BORCS5: variants seen among roughly 807,000 people sequenced by gnomAD.
BORCS5 encodes BLOC-1 related complex subunit 5.
In BORCS5, 17 loss-of-function variants were observed where a neutral mutation model predicts 22.1. The ratio of observed to expected loss-of-function variants is 0.77; its 90% confidence interval spans 0.53 to 1.15. The LOEUF is 1.15. BORCS5 is among the 50% of genes most tolerant of loss of function. BORCS5 has a pLI of 0.00. For synonymous variants in BORCS5, 117 were observed against 99.8 expected (o/e 1.17, Z -1.03); for missense variants, 247 against 253.2 (o/e 0.98, Z 0.17).
rs1943214386 is a variant in BORCS5, at chr12:12,467,018, T to C, written c.*1242T>C. On this transcript the variant is annotated 3_prime_UTR_variant, in exon 4 of 4. Coordinates refer to ENST00000314565, the MANE Select transcript of BORCS5 (RefSeq NM_058169.6). Reference sequence around the variant, plus strand: ...ATCATAGCACACTGACTCCTCAAACTCCCGGGCTCCGGGGATCCTCACGCC... The same window carrying C: ...ATCATAGCACACTGACTCCTCAAACCCCCGGGCTCCGGGGATCCTCACGCC... 6.6e-6 allele frequency: 1 copy of C among 152,230 alleles called. No homozygotes were observed. The highest frequency in any genetic ancestry group is 2.4e-5 in the African/African-American group (1 of 41,446). 9.4% of individuals were successfully genotyped at this position (152,230 alleles called of 1,614,324 possible).
At chr12:12,416,042 CCTTGGTAGGT>C (rs1941941619) in intron 2 of BORCS5, among the ~76,000 whole-genome samples, 2 of 152,080 alleles carry the variant, frequency 1.3e-5, no homozygotes, top group African/African-American at 4.8e-5. Context: ...TGTGGCTTAG[CCTTGGTAGGT>C]TCTAGTTCTG....
Position 12,357,470 on chromosome 12 carries a change from T to G in BORCS5, c.19T>G (p.Ser7Ala). The G allele has an allele frequency of 6.2e-7, 1 of 1,611,102 alleles. No homozygotes were observed. The highest frequency in any genetic ancestry group is 8.5e-7 in the Non-Finnish European group (1 of 1,177,670). The change falls in exon 1 of 4, where the codon TCC becomes GCC. Residue 7 changes from serine to alanine, a missense_variant. Ser to Ala is a moderately conservative substitution (Grantham distance 99). Coordinates refer to ENST00000314565, the MANE Select transcript of BORCS5 (RefSeq NM_058169.6). Reference sequence around the variant, plus strand: ...CGGCACCATGGGCAGTGAGCAGAGCTCCGAGGCCGAGAGCCGACCCAACGA... The same window carrying G: ...CGGCACCATGGGCAGTGAGCAGAGCGCCGAGGCCGAGAGCCGACCCAACGA... The part of the protein sequence containing the change: MGSEQS[S>A]EAESRPNDLN...
At chr12:12,396,314 T>C (rs557550487) in intron 2 of BORCS5, among the ~76,000 whole-genome samples, 15 of 152,364 alleles carry the variant, frequency 9.8e-5, no homozygotes, top group Admixed American at 9.1e-4. Flanking sequence ...TTTGGCCTTG[T>C]GGCCTTGCAA....
intron 2 of BORCS5, among the ~76,000 whole-genome samples, chr12:12,397,269 C>G (rs565256414): frequency 5.9e-5 from 9 of 152,120 alleles, no homozygotes; most frequent in African/African-American, 1.9e-4. Flanking sequence ...TAAACTGATT[C>G]CCCTAGGGTG....
chr12:12,464,073 G>A (rs1306323278), intron 3 of BORCS5, among the ~76,000 whole-genome samples: 1 of 132,530 alleles, frequency 7.5e-6, no homozygotes, highest in African/African-American at 2.7e-5. Flanking sequence ...AAGGCCCAGC[G>A]GGTGACTGTC....
intron 2 of BORCS5, among the ~76,000 whole-genome samples, chr12:12,414,362 G>GGGT (rs1941852610): frequency 9.0e-6 from 1 of 111,294 alleles, no homozygotes; most frequent in Non-Finnish European, 2.0e-5. Flanking sequence ...CTCCCGGACG[G>GGGT]GGTGGCTGGT....
intron 3 of BORCS5, chr12:12,452,295 G>A (rs1942925907): frequency 2.6e-6 from 2 of 767,224 alleles, no homozygotes; most frequent in Non-Finnish European, 4.4e-6. Flanking sequence ...ATTCATGTTT[G>A]TCTCCAATAC....
At chr12:12,416,286 G>A (rs1302735533) in intron 2 of BORCS5, among the ~76,000 whole-genome samples, 1 of 151,596 alleles carries the variant, frequency 6.6e-6, no homozygotes, top group Non-Finnish European at 1.5e-5. Flanking sequence ...TTTGGTGCTG[G>A]TGATTTTCTC....
chr12:12,453,245 C>T (rs1942944939), intron 3 of BORCS5, among the ~76,000 whole-genome samples: 1 of 152,132 alleles, frequency 6.6e-6, no homozygotes, highest in Non-Finnish European at 1.5e-5. Flanking sequence ...TGAATGCTGT[C>T]AGTATGAGTC....
Position 12,454,529 on chromosome 12 carries a change from C to T in BORCS5, c.361-11017C>T, listed in dbSNP as rs534011648. ...CCAAGGCCAGATTTTGCCCTAGGGACAGTACTGATTTATATAGTTAGGCTG... is the reference window on the plus strand; with the variant it reads ...CCAAGGCCAGATTTTGCCCTAGGGATAGTACTGATTTATATAGTTAGGCTG... On this transcript the variant is annotated intron_variant, in intron 3 of 3. Transcript: ENST00000314565. Among the ~76,000 whole-genome samples, 4 of 152,308 alleles carry T rather than the reference C, an allele frequency of 2.6e-5. No individual in the cohort carries two copies. In the South Asian group the frequency reaches 8.3e-4, roughly 32 times the overall value.
intron 2 of BORCS5, among the ~76,000 whole-genome samples, chr12:12,429,186 TCTC>T (rs563638994): frequency 2.2e-4 from 34 of 152,180 alleles, no homozygotes; most frequent in Non-Finnish European, 2.6e-4. Flanking sequence ...AAGTTTGTGG[TCTC>T]CTAAAAATGA....
intron 2 of BORCS5, among the ~76,000 whole-genome samples, chr12:12,387,168 A>G (rs188295349): frequency 6.6e-6 from 1 of 151,556 alleles, no homozygotes; most frequent in East Asian, 1.9e-4. Context: ...ATGCCTAGCA[A>G]GATTCATTAT....
At chr12:12,418,196 T>G (rs1942020415) in intron 2 of BORCS5, among the ~76,000 whole-genome samples, 4 of 148,700 alleles carry the variant, frequency 2.7e-5, no homozygotes, top group South Asian at 2.1e-4. Context: ...GCTAATTTTT[T>G]TTTTGTTTTT....
intron 3 of BORCS5, among the ~76,000 whole-genome samples, chr12:12,462,683 G>A (rs1251817861): frequency 6.6e-6 from 1 of 152,058 alleles, no homozygotes; most frequent in Admixed American, 6.6e-5. Flanking sequence ...TGGAGATGGA[G>A]TCTCGCTCTG....
chr12:12,466,226 T>C lies in BORCS5; in HGVS notation c.*450T>C, dbSNP rs1943200415. 1 of 156,556 alleles carries C rather than the reference T, an allele frequency of 6.4e-6. No individual in the cohort carries two copies. The highest frequency in any genetic ancestry group is 1.4e-5 in the Non-Finnish European group (1 of 71,114). The allele number at this position is 156,556 out of a possible 1,614,324, so 9.7% of individuals were successfully genotyped here. A position where few individuals can be genotyped will look rare whatever the true frequency, so the allele number is the denominator to read the frequency against. On this transcript the variant is annotated 3_prime_UTR_variant, in exon 4 of 4. Transcript: ENST00000314565. The stretch of plus-strand genomic sequence containing the variant: ...TTTATGTGTGGTCAACTTGAAAAAC[T>C]AATTGAATCTAGGTCTCTGTATTGT...
At chr12:12,449,567 C>T (rs961890550) in intron 3 of BORCS5, among the ~76,000 whole-genome samples, 1 of 152,118 alleles carries the variant, frequency 6.6e-6, no homozygotes, top group Non-Finnish European at 1.5e-5. Context: ...CTGGGCAAGT[C>T]GTAAAGTAAT....
At chr12:12,445,529 CTTTTTTTT>C (rs56356376) in intron 3 of BORCS5, among the ~76,000 whole-genome samples, 12 of 39,010 alleles carry the variant, frequency 3.1e-4, no homozygotes, top group African/African-American at 1.6e-3. Context: ...TTTGAAATAC[CTTTTTTTT>C]TTTTTTTTTT....
At chr12:12,444,032 T>C (rs2136136376) in intron 3 of BORCS5, among the ~76,000 whole-genome samples, 1 of 152,332 alleles carries the variant, frequency 6.6e-6, no homozygotes. Flanking sequence ...CTGTCCTGTA[T>C]CACTTCCAAT....
chr12:12,373,978 A>ATTT (rs1863585861), intron 2 of BORCS5, among the ~76,000 whole-genome samples: 6 of 116,772 alleles, frequency 5.1e-5, no homozygotes, highest in African/African-American at 2.2e-4. Flanking sequence ...TGCAGAGAGT[A>ATTT]TTCTTTTTTT....
Sources: gnomAD v4.1 joint callset for allele counts (sites outside exome capture counted in the v4.1 genomes callset) on GRCh38, gnomAD v4.1.1 for gene constraint, MANE v1.5 for transcripts, NCBI Gene and HGNC (gene_info 2026-07-23, HGNC 2026-07-21) for gene names.